Variants in TENM2 observed in about 807,000 individuals in gnomAD.
The protein encoded by TENM2 is teneurin transmembrane protein 2.
In TENM2, 52 loss-of-function variants were observed where a neutral mutation model predicts 245.2. That is an observed-to-expected ratio of 0.21 (90% CI 0.17 to 0.27). TENM2 has a LOEUF of 0.27. TENM2 is among the 10% of genes least tolerant of loss of function. The pLI is 1.00. For missense variants in TENM2, 3,046 were observed against 3,666.8 expected (o/e 0.83, Z 4.37); for synonymous variants, 1,363 against 1,438.9 (o/e 0.95, Z 1.19).
At chr5:167,170,247 C>T in the TENM2 span, among the ~76,000 whole-genome samples, 23 of 152,194 alleles carry the variant, frequency 1.5e-4, no homozygotes, top group Admixed American at 3.3e-4. Context: ...AACGTACAAT[C>T]GAGCTGTTAC....
At chr5:167,031,348 T>G in the TENM2 span, among the ~76,000 whole-genome samples, 1 of 152,316 alleles carries the variant, frequency 6.6e-6, no homozygotes, top group Non-Finnish European at 1.5e-5. Flanking sequence ...TATTTTTTAA[T>G]CCAGATTTTT....
At chr5:167,434,880 A>G (rs1764451058) in intron 2 of TENM2, among the ~76,000 whole-genome samples, 1 of 152,216 alleles carries the variant, frequency 6.6e-6, no homozygotes, top group South Asian at 2.1e-4. Flanking sequence ...CTTATGGAAA[A>G]GAAGAAAATT....
intron 2 of TENM2, among the ~76,000 whole-genome samples, chr5:167,786,123 A>G (rs1444025929): frequency 6.6e-6 from 1 of 152,162 alleles, no homozygotes; most frequent in South Asian, 2.1e-4. Context: ...CTCTGACGCC[A>G]TGACCAAATG....
chr5:167,043,386 C>T, the TENM2 span, among the ~76,000 whole-genome samples: 2 of 152,014 alleles, frequency 1.3e-5, no homozygotes, highest in African/African-American at 2.4e-5. Context: ...TTATTTCTGT[C>T]GGGGAAAGAC....
intron 7 of TENM2, among the ~76,000 whole-genome samples, chr5:168,075,698 A>T (rs908123128): frequency 6.6e-6 from 1 of 152,218 alleles, no homozygotes; most frequent in African/African-American, 2.4e-5. Flanking sequence ...TATCTGTATT[A>T]GTCTGTTCTC....
In TENM2 at chr5:168,219,258, A is replaced by G. The variant is rs1763459066; in HGVS notation, c.5108+259A>G. Among the ~76,000 whole-genome samples the G allele has an allele frequency of 2.0e-5, 3 of 152,186 alleles. No homozygotes were observed. In the South Asian group the frequency reaches 6.2e-4, roughly 32 times the overall value. On this transcript the variant is annotated intron_variant, in intron 23 of 28. Coordinates refer to ENST00000518659, the Ensembl canonical transcript of TENM2. ...CTGCTTGCCGTTCAAATTTCAGGAT[A>G]TTGGACATGCACAGCACCTGGGAGG...
intron 25 of TENM2, among the ~76,000 whole-genome samples, chr5:168,233,975 G>A (rs1765184498): frequency 6.6e-6 from 1 of 152,074 alleles, no homozygotes; most frequent in South Asian, 2.1e-4. Flanking sequence ...CCAACACATG[G>A]GAATTCTAGG....
chr5:167,565,980 T>C (rs1465988049), intron 2 of TENM2, among the ~76,000 whole-genome samples: 2 of 151,992 alleles, frequency 1.3e-5, no homozygotes, highest in Admixed American at 1.3e-4. Context: ...TTATAGGGGA[T>C]TTGTCAGCTG....
chr5:167,139,000 A>T, the TENM2 span, among the ~76,000 whole-genome samples: 1 of 152,166 alleles, frequency 6.6e-6, no homozygotes, highest in Non-Finnish European at 1.5e-5. Context: ...TGAATATTTG[A>T]CATTGTTAAT....
At chr5:168,058,021 A>G (rs1789706090) in intron 6 of TENM2, among the ~76,000 whole-genome samples, 1 of 152,204 alleles carries the variant, frequency 6.6e-6, no homozygotes, top group Admixed American at 6.5e-5. Context: ...TACAGACAAT[A>G]GTGGCTCCCA....
intron 3 of TENM2, among the ~76,000 whole-genome samples, chr5:167,900,382 A>G (rs1159724518): frequency 2.0e-5 from 3 of 152,180 alleles, no homozygotes; most frequent in Non-Finnish European, 4.4e-5. Context: ...AAATTACGGT[A>G]CTGAGAGGTT....
intron 12 of TENM2, among the ~76,000 whole-genome samples, chr5:168,158,424 T>A (rs1399727411): frequency 6.6e-6 from 1 of 152,072 alleles, no homozygotes; most frequent in Non-Finnish European, 1.5e-5. Context: ...TTCAAGCACC[T>A]TCTATGTGCC....
rs1561795290 is a variant in TENM2 at position 167,801,103 on chromosome 5, A to AT, written c.503-74883_503-74882insT. Reference sequence around the variant, plus strand: ...TTGAATGTATTTGAAAAGAAAAAAAAAAAAAAATATATATATATATATATA... The same window carrying AT: ...TTGAATGTATTTGAAAAGAAAAAAAATAAAAAAATATATATATATATATATA... On this transcript the variant is annotated intron_variant, in intron 2 of 28. Coordinates refer to ENST00000518659, the Ensembl canonical transcript of TENM2. Among the ~76,000 whole-genome samples, 9 of 64,498 alleles carry AT rather than the reference A, an allele frequency of 1.4e-4. 1 individual carries two copies. The highest frequency in any genetic ancestry group is 6.1e-4 in the African/African-American group (9 of 14,752). 42.3% of individuals were successfully genotyped at this position (64,498 alleles called of 152,430 possible).
intron 3 of TENM2, among the ~76,000 whole-genome samples, chr5:167,936,185 T>C (rs182793229): frequency 6.6e-5 from 10 of 152,302 alleles, no homozygotes; most frequent in Admixed American, 5.2e-4. Flanking sequence ...AATAATCTTA[T>C]TGTGATGAGT....
intron 1 of TENM2, among the ~76,000 whole-genome samples, chr5:167,301,890 G>T (rs1048411918): frequency 1.3e-5 from 2 of 152,122 alleles, no homozygotes; most frequent in Non-Finnish European, 2.9e-5. Flanking sequence ...GGTGTGAGGA[G>T]GGGAGGTGAT....
At chr5:167,495,939 A>G (rs888576213) in intron 2 of TENM2, among the ~76,000 whole-genome samples, 1 of 152,050 alleles carries the variant, frequency 6.6e-6, no homozygotes, top group Admixed American at 6.6e-5. Context: ...TTTTATGGTG[A>G]TTTTAAGATG....
chr5:167,965,950 C>G (rs1781358308), intron 4 of TENM2, among the ~76,000 whole-genome samples: 1 of 152,162 alleles, frequency 6.6e-6, no homozygotes, highest in East Asian at 1.9e-4. Context: ...TGATGGCAAA[C>G]AACAAATTAA....
At chr5:167,862,611 G>A (rs947330705) in intron 2 of TENM2, among the ~76,000 whole-genome samples, 6 of 152,198 alleles carry the variant, frequency 3.9e-5, no homozygotes, top group Non-Finnish European at 8.8e-5. Flanking sequence ...GTCTTCAGCT[G>A]TCTGCCTTGA....
At chr5:167,515,444 A>G (rs900654762) in intron 2 of TENM2, among the ~76,000 whole-genome samples, 1 of 151,692 alleles carries the variant, frequency 6.6e-6, no homozygotes, top group Non-Finnish European at 1.5e-5. Flanking sequence ...GAAAAGACAC[A>G]TAGTTTAGAA....
Sources: gnomAD v4.1 joint callset for allele counts (sites outside exome capture counted in the v4.1 genomes callset) on GRCh38, gnomAD v4.1.1 for gene constraint, MANE v1.5 for transcripts, NCBI Gene and HGNC (gene_info 2026-07-23, HGNC 2026-07-21) for gene names.